SV2C: variants seen among roughly 807,000 people sequenced by gnomAD.
SV2C encodes the protein synaptic vesicle glycoprotein 2C.
Under a neutral mutation model 79.7 loss-of-function variants are expected in SV2C, and 49 were observed. The observed-to-expected ratio is 0.61, with a 90% CI of 0.49 to 0.78. SV2C has a LOEUF of 0.78. Among genes scored for constraint, SV2C ranks in the 30% least tolerant of loss-of-function variants. SV2C has a pLI of 0.00. For missense variants in SV2C, 833 were observed against 912.9 expected (o/e 0.91, Z 1.13); for synonymous variants, 334 against 333.2 (o/e 1.00, Z -0.03).
At chr5:75,888,593 CAACTT>C in the SV2C span, among the ~76,000 whole-genome samples, 2 of 152,072 alleles carry the variant, frequency 1.3e-5, no homozygotes, top group Admixed American at 6.6e-5. Context: ...CTTTAGGTCT[CAACTT>C]AACAGCTTTT....
chr5:76,202,030 A>G (rs1032957810), intron 3 of SV2C, among the ~76,000 whole-genome samples: 5 of 151,262 alleles, frequency 3.3e-5, no homozygotes, highest in African/African-American at 9.7e-5. Flanking sequence ...AAAAAAAAAA[A>G]AAAAAAGAAA....
At chr5:75,958,532 A>G in the SV2C span, among the ~76,000 whole-genome samples, 14 of 152,102 alleles carry the variant, frequency 9.2e-5, no homozygotes, top group African/African-American at 3.1e-4. Context: ...GGCAGCACCA[A>G]TTGTACCACA....
chr5:76,048,947 AAG>A, the SV2C span, among the ~76,000 whole-genome samples: 5 of 109,942 alleles, frequency 4.5e-5, no homozygotes, highest in East Asian at 2.5e-4. Flanking sequence ...GAAAGAAAGA[AAG>A]AGAGAGAAAG....
At chr5:76,166,297 T>C (rs1304981684) in intron 2 of SV2C, among the ~76,000 whole-genome samples, 1 of 152,184 alleles carries the variant, frequency 6.6e-6, no homozygotes, top group Non-Finnish European at 1.5e-5. Flanking sequence ...TTCCAAAGCT[T>C]TTTCATGGTG....
intron 1 of SV2C, among the ~76,000 whole-genome samples, chr5:76,130,967 T>C (rs1748870529): frequency 6.6e-6 from 1 of 152,172 alleles, no homozygotes; most frequent in Non-Finnish European, 1.5e-5. Context: ...AAGCCATATG[T>C]TCTAATTCAA....
chr5:76,131,898 C>A lies in SV2C; in HGVS notation c.148C>A (p.Gln50Lys). 1 of 1,613,970 alleles carries A rather than the reference C, an allele frequency of 6.2e-7. No homozygotes were observed. The highest frequency in any genetic ancestry group is 8.5e-7 in the Non-Finnish European group (1 of 1,179,994). ...CACCCAGAGGTCCTACAGTCGGTTC[C>A]AAGATGAAGAAGATGATGATGACTA... ...EYTQRSYSRF[Q>K]DEEDDDDYYP... The change falls in exon 2 of 13, where the codon CAA becomes AAA. Residue 50 changes from glutamine to lysine, a missense_variant. Gln to Lys is a moderately conservative substitution (Grantham distance 53, BLOSUM62 1). Transcript: ENST00000502798.
the SV2C span, among the ~76,000 whole-genome samples, chr5:75,973,505 GAAAAA>G: frequency 0.083 from 12,447 of 149,270 alleles, 606 homozygotes; most frequent in South Asian, 0.17. Context: ...AAGAAAAAAA[GAAAAA>G]AAAGAAAAAG....
chr5:75,953,016 G>A, the SV2C span, among the ~76,000 whole-genome samples: 1 of 151,848 alleles, frequency 6.6e-6, no homozygotes, highest in Non-Finnish European at 1.5e-5. Flanking sequence ...ATCTGATGTG[G>A]GTAATTTATA....
At chr5:76,032,171 T>A in the SV2C span, among the ~76,000 whole-genome samples, 502 of 152,316 alleles carry the variant, frequency 3.3e-3, 2 homozygotes, top group African/African-American at 0.012. Context: ...ATTGATTAAC[T>A]GATACATGCA....
intron 4 of SV2C, among the ~76,000 whole-genome samples, chr5:76,227,058 C>T (rs963349638): frequency 6.6e-6 from 1 of 152,046 alleles, no homozygotes; most frequent in African/African-American, 2.4e-5. Context: ...AGGGGCCTTC[C>T]GGGAGGGATG....
At position 76,134,334 on chromosome 5, in the gene SV2C, G is replaced by T. The variant is rs149648967; in HGVS notation, c.580+2004G>T. 5.1e-3 allele frequency among the ~76,000 whole-genome samples: 775 copies of T among 152,148 alleles called. 9 individuals carry two copies. The highest frequency in any genetic ancestry group is 0.016 in the African/African-American group (663 of 41,514). On this transcript the variant is annotated intron_variant, in intron 2 of 12. Transcript: ENST00000502798. ...TCCAGACTTGCATTTCAATTATTTT[G>T]CCATTGTAATTTCACTCATAATTGC...
At chr5:75,975,824 C>A in the SV2C span, among the ~76,000 whole-genome samples, 3 of 152,082 alleles carry the variant, frequency 2.0e-5, no homozygotes, top group African/African-American at 7.2e-5. Flanking sequence ...AGAAGAGCAC[C>A]GAAGCTCAGG....
chr5:75,866,214 A>AT, the SV2C span, among the ~76,000 whole-genome samples: 4,542 of 151,202 alleles, frequency 0.03, 103 homozygotes, highest in Middle Eastern at 0.061. Flanking sequence ...TCTCCAATGC[A>AT]TTTTTTTTTC....
chr5:76,050,573 T>G, the SV2C span, among the ~76,000 whole-genome samples: 2 of 151,056 alleles, frequency 1.3e-5, no homozygotes, highest in African/African-American at 2.4e-5. Flanking sequence ...ATTCTTGATC[T>G]CTCTCTCTCT....
chr5:76,238,304 A>ATG (rs112691264), intron 4 of SV2C, among the ~76,000 whole-genome samples: 4,445 of 149,610 alleles, frequency 0.03, 222 homozygotes, highest in African/African-American at 0.1. Context: ...GTGTGTGTGT[A>ATG]TGTGTGTGTG....
chr5:76,135,824 AG>A (rs1014376453), intron 2 of SV2C, among the ~76,000 whole-genome samples: 5 of 152,104 alleles, frequency 3.3e-5, no homozygotes, highest in African/African-American at 7.2e-5. Flanking sequence ...GTGGTTGTTG[AG>A]GGGGGCAGGT....
intron 12 of SV2C, among the ~76,000 whole-genome samples, chr5:76,340,113 C>G (rs910879592): frequency 6.6e-6 from 1 of 152,164 alleles, no homozygotes; most frequent in Non-Finnish European, 1.5e-5. Flanking sequence ...AAAGACACTC[C>G]CTCCAGCGCC....
At chr5:75,964,850 G>A in the SV2C span, among the ~76,000 whole-genome samples, 3 of 152,118 alleles carry the variant, frequency 2.0e-5, no homozygotes, top group Non-Finnish European at 4.4e-5. Flanking sequence ...ACACATATAT[G>A]CTGTTGTCAT....
chr5:76,178,573 C>CACT (rs1416243477), intron 2 of SV2C, among the ~76,000 whole-genome samples: 1 of 152,210 alleles, frequency 6.6e-6, no homozygotes, highest in Non-Finnish European at 1.5e-5. Flanking sequence ...ATAACATGCA[C>CACT]ACTACTCTTT....
Sources: allele counts gnomAD v4.1 joint callset (sites outside exome capture counted in the v4.1 genomes callset), GRCh38; gene constraint gnomAD v4.1.1; transcripts MANE v1.5; gene names NCBI Gene and HGNC (gene_info 2026-07-23, HGNC 2026-07-21).